The following CAB39 variants were observed in gnomAD, a reference collection of about 807,000 sequenced individuals.
CAB39 encodes the protein calcium binding protein 39.
Under a neutral mutation model 40.0 loss-of-function variants are expected in CAB39, and 8 were observed. The ratio of observed to expected loss-of-function variants is 0.20; its 90% CI spans 0.12 to 0.36. CAB39 has a LOEUF of 0.36. Ranked by LOEUF, CAB39 falls within the 10% of genes least tolerant of loss-of-function variation. CAB39 has a pLI of 1.00. For missense variants in CAB39, 270 were observed against 401.1 expected (o/e 0.67, Z 2.79); for synonymous variants, 156 against 141.6 (o/e 1.10, Z -0.72).
At chr2:230,715,598 A>T (rs991857494) in intron 1 of CAB39, among the ~76,000 whole-genome samples, 1 of 152,214 alleles carries the variant, frequency 6.6e-6, no homozygotes, top group Admixed American at 6.5e-5. Context: ...ATATAGGTTA[A>T]CTATTTTTTG....
At chr2:230,777,377 A>G (rs899014389) in intron 2 of CAB39, among the ~76,000 whole-genome samples, 3 of 144,194 alleles carry the variant, frequency 2.1e-5, no homozygotes, top group African/African-American at 7.7e-5. Context: ...TTTTTTTTTA[A>G]TTTTAAATTT....
intron 2 of CAB39, among the ~76,000 whole-genome samples, chr2:230,788,464 C>A (rs939499282): frequency 6.6e-6 from 1 of 151,866 alleles, no homozygotes; most frequent in Non-Finnish European, 1.5e-5. Context: ...CTTTAAAGAG[C>A]CAATTCTCTT....
At chr2:230,810,184 TA>T in intron 5 of CAB39, 78 bp from the exon 6 acceptor site, 1 of 667,936 alleles carries the variant, frequency 1.5e-6, no homozygotes, top group Non-Finnish European at 2.6e-6. Context: ...TTTTATTAGG[TA>T]AAATGGTGTG....
chr2:230,779,978 T>C (rs1695658125), intron 2 of CAB39, among the ~76,000 whole-genome samples: 1 of 152,184 alleles, frequency 6.6e-6, no homozygotes, highest in South Asian at 2.1e-4. Flanking sequence ...ATTGAAGACC[T>C]TTATTTGGAG....
chr2:230,770,762 AAGTT>A (rs1404356497), intron 2 of CAB39, among the ~76,000 whole-genome samples: 9 of 152,196 alleles, frequency 5.9e-5, no homozygotes, highest in Non-Finnish European at 5.9e-5. Context: ...TAACATTACA[AAGTT>A]AATCAGTATA....
At position 230,776,290 on chromosome 2, in the gene CAB39, A is replaced by G. The variant is rs184607514; in HGVS notation, c.115-14582A>G. 4.9e-3 allele frequency among the ~76,000 whole-genome samples: 753 copies of G among 152,288 alleles called. 8 individuals carry two copies. Among genetic ancestry groups the G allele is most frequent in the Middle Eastern group, 6.8e-3 (2 of 294 alleles). On this transcript the variant is annotated intron_variant, in intron 2 of 8. Coordinates refer to ENST00000258418, the MANE Select transcript of CAB39 (RefSeq NM_016289.4). ...TTTATTTTGAAATTAATTAATTCAC[A>G]GGAAGTTGCTGAAATGAGTACAGGA... is the stretch of plus-strand genomic sequence containing the variant.
chr2:230,754,091 T>A (rs1358773286), intron 1 of CAB39, among the ~76,000 whole-genome samples: 1 of 152,174 alleles, frequency 6.6e-6, no homozygotes, highest in Non-Finnish European at 1.5e-5. Context: ...CCAGAGGCTG[T>A]GCTGTGAGTT....
chr2:230,748,832 ATATATATATATATATATATAT>A (rs1477209127), intron 1 of CAB39, among the ~76,000 whole-genome samples: 23 of 21,750 alleles, frequency 1.1e-3, no homozygotes, highest in South Asian at 3.6e-3. Context: ...AAAAAAAAAA[ATATATATATATATATATATAT>A]ATATATATAT....
chr2:230,814,012 T>TTTTTTTTTTTTTTTTTG, intron 6 of CAB39, 37 bp from the exon 7 acceptor site: 1 of 428,536 alleles, frequency 2.3e-6, no homozygotes, highest in Non-Finnish European at 4.3e-6. Flanking sequence ...TTTTTTTTTT[T>TTTTTTTTTTTTTTTTTG]GGCAATAACC....
At chr2:230,791,758 A>G (rs1228319091) in intron 3 of CAB39, among the ~76,000 whole-genome samples, 1 of 152,200 alleles carries the variant, frequency 6.6e-6, no homozygotes, top group Non-Finnish European at 1.5e-5. Context: ...GGCATTTGAC[A>G]TTGTTGCCCG....
At chr2:230,799,059 C>T in intron 5 of CAB39, 162 bp downstream of exon 5, 2 of 533,508 alleles carry the variant, frequency 3.7e-6, no homozygotes, top group Non-Finnish European at 6.5e-6. Flanking sequence ...GCAGTAAAGT[C>T]ACAGCTTTAA....
chr2:230,739,568 C>T (rs2124887190), intron 1 of CAB39, among the ~76,000 whole-genome samples: 1 of 152,334 alleles, frequency 6.6e-6, no homozygotes, highest in East Asian at 1.9e-4. Flanking sequence ...GATCTCTGCT[C>T]ACCACAACCT....
chr2:230,737,414 T>G (rs1694805141), intron 1 of CAB39, among the ~76,000 whole-genome samples: 1 of 152,142 alleles, frequency 6.6e-6, no homozygotes, highest in Non-Finnish European at 1.5e-5. Flanking sequence ...AAATCTAATT[T>G]TAAACAATGT....
At chr2:230,815,305 C>T (rs1052089778) in intron 7 of CAB39, among the ~76,000 whole-genome samples, 6 of 152,236 alleles carry the variant, frequency 3.9e-5, no homozygotes, top group Non-Finnish European at 8.8e-5. Flanking sequence ...GCCCCACCTT[C>T]CCTGGCTTAG....
At chr2:230,727,909 A>G (rs1237653535) in intron 1 of CAB39, among the ~76,000 whole-genome samples, 1 of 152,198 alleles carries the variant, frequency 6.6e-6, no homozygotes, top group Non-Finnish European at 1.5e-5. Flanking sequence ...TTTATTCTAG[A>G]TCCTAGAATA....
intron 2 of CAB39, among the ~76,000 whole-genome samples, chr2:230,763,710 G>A (rs1173753189): frequency 1.3e-5 from 2 of 152,118 alleles, no homozygotes; most frequent in Admixed American, 6.5e-5. Flanking sequence ...CATGCAATTG[G>A]TGGTTTCTTG....
intron 2 of CAB39, among the ~76,000 whole-genome samples, chr2:230,783,304 A>G (rs1559609299): frequency 6.6e-6 from 1 of 152,130 alleles, no homozygotes; most frequent in Non-Finnish European, 1.5e-5. Flanking sequence ...TTCCTTGTTC[A>G]GTGCTGTAAC....
intron 1 of CAB39, among the ~76,000 whole-genome samples, chr2:230,726,396 T>C (rs372553797): frequency 6.6e-6 from 1 of 152,100 alleles, no homozygotes. Flanking sequence ...GGTCTTGAAC[T>C]CCTGGCCTCA....
chr2:230,798,141 C>A (rs1184254761), intron 4 of CAB39, among the ~76,000 whole-genome samples: 1 of 152,084 alleles, frequency 6.6e-6, no homozygotes, highest in Non-Finnish European at 1.5e-5. Flanking sequence ...GGGGGTCTGC[C>A]TGCTCTGTGG....
Sources: gnomAD v4.1 joint callset for allele counts (sites outside exome capture counted in the v4.1 genomes callset) on GRCh38, gnomAD v4.1.1 for gene constraint, MANE v1.5 for transcripts, NCBI Gene and HGNC (gene_info 2026-07-23, HGNC 2026-07-21) for gene names.